The following ADAMTS9 variants were observed in gnomAD, a reference collection of about 807,000 sequenced individuals.
The protein encoded by ADAMTS9 is A disintegrin and metalloproteinase with thrombospondin motifs 9.
ADAMTS9 carries 107 observed loss-of-function variants against 257.1 expected under a neutral mutation model. That is an observed-to-expected ratio of 0.42 (90% CI 0.36 to 0.49). The LOEUF is 0.49. Ranked by LOEUF, ADAMTS9 falls within the 20% of genes least tolerant of loss-of-function variation. The pLI is 0.03. For synonymous variants in ADAMTS9, 982 were observed against 880.9 expected (o/e 1.11, Z -2.03); for missense variants, 2,353 against 2,469.1 (o/e 0.95, Z 1.00).
intron 3 of ADAMTS9, among the ~76,000 whole-genome samples, chr3:64,668,763 C>G (rs1559820350): frequency 6.6e-6 from 1 of 152,170 alleles, no homozygotes; most frequent in Non-Finnish European, 1.5e-5. Flanking sequence ...TGCCTGCTAT[C>G]TGACATTTCA....
intron 16 of ADAMTS9, among the ~76,000 whole-genome samples, chr3:64,623,520 C>T (rs924280305): frequency 2.1e-4 from 32 of 152,190 alleles, no homozygotes; most frequent in African/African-American, 7.2e-4. Flanking sequence ...GCCAGAAACA[C>T]CCGTATATGC....
chr3:64,579,421 G>A (rs145512468), intron 28 of ADAMTS9, among the ~76,000 whole-genome samples: 2 of 152,000 alleles, frequency 1.3e-5, no homozygotes, highest in Admixed American at 6.6e-5. Context: ...ACTCTTCTAC[G>A]CTATCTCCTA....
chr3:64,617,127 C>T (rs1699968308), intron 19 of ADAMTS9, among the ~76,000 whole-genome samples: 1 of 152,144 alleles, frequency 6.6e-6, no homozygotes, highest in Non-Finnish European at 1.5e-5. Flanking sequence ...AATTGTAAAA[C>T]AATGCTTTAT....
At chr3:64,605,857 A>T (rs567799006) in intron 23 of ADAMTS9, among the ~76,000 whole-genome samples, 1 of 152,354 alleles carries the variant, frequency 6.6e-6, no homozygotes, top group African/African-American at 2.4e-5. Context: ...ACTGATATAA[A>T]GGAGGTATAG....
At chr3:64,684,509 A>G (rs1442156941) in intron 2 of ADAMTS9, among the ~76,000 whole-genome samples, 1 of 152,146 alleles carries the variant, frequency 6.6e-6, no homozygotes, top group East Asian at 1.9e-4. Flanking sequence ...AGAAGTGGTA[A>G]GGGGAAGTCT....
chr3:64,521,850 G>T (rs557300143), intron 39 of ADAMTS9, among the ~76,000 whole-genome samples: 1 of 152,256 alleles, frequency 6.6e-6, no homozygotes, highest in South Asian at 2.1e-4. Flanking sequence ...TTTGGGTGAT[G>T]GGTTCAAACG....
At position 64,602,221 on chromosome 3, in the gene ADAMTS9, G is replaced by A. The variant is rs1288315412; in HGVS notation, c.3748-8C>T. Reference sequence around the variant, plus strand: ...CCCACAGGTCACAGAGCACTAGGTTGAATGTTCAGAAAGAGAAAGGGTCAG... The same window carrying A: ...CCCACAGGTCACAGAGCACTAGGTTAAATGTTCAGAAAGAGAAAGGGTCAG... On this transcript the variant is annotated splice_region_variant and splice_polypyrimidine_tract_variant and intron_variant, in intron 25 of 39. Coordinates refer to ENST00000498707, the MANE Select transcript of ADAMTS9 (RefSeq NM_182920.2). The A allele has an allele frequency of 9.3e-6, 15 of 1,612,304 alleles. No individual in the cohort carries two copies. The highest frequency in any genetic ancestry group is 1.1e-5 in the Non-Finnish European group (13 of 1,179,178).
chr3:64,542,590 A>C (rs2083140345), intron 32 of ADAMTS9, among the ~76,000 whole-genome samples: 1 of 151,886 alleles, frequency 6.6e-6, no homozygotes, highest in African/African-American at 2.4e-5. Flanking sequence ...ACCTCGCCCA[A>C]CAAATTTTTG....
chr3:64,593,976 T>C (rs2084311636), intron 28 of ADAMTS9, among the ~76,000 whole-genome samples: 1 of 151,124 alleles, frequency 6.6e-6, no homozygotes. Flanking sequence ...TGTGTGTGTG[T>C]GTGTGTGTGT....
At chr3:64,615,727 A>C (rs868615362) in intron 20 of ADAMTS9, among the ~76,000 whole-genome samples, 7 of 152,200 alleles carry the variant, frequency 4.6e-5, no homozygotes, top group Non-Finnish European at 7.3e-5. Context: ...TATGCAAAAG[A>C]AATCAGTTGA....
intron 38 of ADAMTS9, among the ~76,000 whole-genome samples, chr3:64,525,693 C>T (rs1400406712): frequency 6.6e-6 from 1 of 151,932 alleles, no homozygotes; most frequent in Non-Finnish European, 1.5e-5. Context: ...TCACTGCAAC[C>T]TCCACCTCCC....
Position 64,597,721 on chromosome 3 carries a change from T to C in ADAMTS9, c.4018-730A>G, listed in dbSNP as rs2084390751. On this transcript the variant is annotated intron_variant, in intron 26 of 39. Coordinates refer to ENST00000498707, the MANE Select transcript of ADAMTS9 (RefSeq NM_182920.2). ...GTCATGGGGTTATGTTTGCATTTCA[T>C]TTCATTTCCCATACAAGCCTCTCAT... Among the ~76,000 whole-genome samples, 3 of 152,224 alleles carry C rather than the reference T, an allele frequency of 2.0e-5. No individual in the cohort carries two copies. In the South Asian group the frequency reaches 6.2e-4, roughly 32 times the overall value.
chr3:64,621,412 C>G (rs1700100859), intron 18 of ADAMTS9, among the ~76,000 whole-genome samples, 172 bp from the exon 19 acceptor site: 1 of 152,142 alleles, frequency 6.6e-6, no homozygotes, highest in South Asian at 2.1e-4. Flanking sequence ...AGCAGCCACT[C>G]ACAGGCAATA....
At chr3:64,546,519 G>GT (rs1251086658) in intron 32 of ADAMTS9, among the ~76,000 whole-genome samples, 2 of 152,214 alleles carry the variant, frequency 1.3e-5, no homozygotes, top group East Asian at 3.9e-4. Context: ...CACCTGGGAA[G>GT]TGGCAGAACC....
chr3:64,635,883 T>C (rs11708072), intron 12 of ADAMTS9, among the ~76,000 whole-genome samples: 31,821 of 152,046 alleles, frequency 0.21, 3,866 homozygotes, highest in Non-Finnish European at 0.26. Context: ...CCATGAATAA[T>C]AGATCAGGAC....
chr3:64,658,385 T>C (rs1701137658), intron 4 of ADAMTS9, 117 bp downstream of exon 4: 2 of 1,074,788 alleles, frequency 1.9e-6, no homozygotes, highest in Middle Eastern at 2.4e-4. Flanking sequence ...CTTCAGTCAC[T>C]TGCCTGAATG....
chr3:64,607,396 C>T (rs1354915114), intron 22 of ADAMTS9, among the ~76,000 whole-genome samples: 3 of 152,190 alleles, frequency 2.0e-5, no homozygotes, highest in African/African-American at 4.8e-5. Context: ...TAGCAGAGTG[C>T]TGTGGCTAAA....
chr3:64,528,546 C>T (rs1467665743), intron 38 of ADAMTS9, among the ~76,000 whole-genome samples: 1 of 152,068 alleles, frequency 6.6e-6, no homozygotes, highest in African/African-American at 2.4e-5. Flanking sequence ...AGGGGTGTCT[C>T]ACACGACTTA....
chr3:64,584,861 C>T (rs2084107241), intron 28 of ADAMTS9, among the ~76,000 whole-genome samples: 2 of 152,208 alleles, frequency 1.3e-5, no homozygotes, highest in Middle Eastern at 3.4e-3. Flanking sequence ...TTCCTCAAAT[C>T]AAGGACACTC....
Sources: gnomAD v4.1 joint callset for allele counts (sites outside exome capture counted in the v4.1 genomes callset) on GRCh38, gnomAD v4.1.1 for gene constraint, MANE v1.5 for transcripts, NCBI Gene and HGNC (gene_info 2026-07-23, HGNC 2026-07-21) for gene names.